UBTD2: variants seen among roughly 807,000 people sequenced by gnomAD.
UBTD2 encodes the protein ubiquitin domain containing 2, also known as ubiquitin domain-containing protein 2.
In UBTD2, 9 loss-of-function variants were observed where a neutral mutation model predicts 19.8. The observed-to-expected ratio is 0.46, with a 90% CI of 0.27 to 0.79. The LOEUF is 0.79. Ranked by LOEUF, UBTD2 falls within the 30% of genes least tolerant of loss-of-function variation. The pLI is 0.14. For synonymous variants in UBTD2, 98 were observed against 103.9 expected, an observed-to-expected ratio of 0.94 and a Z score of 0.35; for missense variants, 250 against 300.4, an observed-to-expected ratio of 0.83 and a Z score of 1.24.
At chr5:172,264,438 G>A (rs575539119) in intron 1 of UBTD2, among the ~76,000 whole-genome samples, 169 of 151,972 alleles carry the variant, frequency 1.1e-3, no homozygotes, top group African/African-American at 4.0e-3. Context: ...CTACCTGGGA[G>A]GCTGAGACAG....
chr5:172,227,135 T>G (rs1044703694), intron 2 of UBTD2, among the ~76,000 whole-genome samples: 1 of 152,118 alleles, frequency 6.6e-6, no homozygotes, highest in Non-Finnish European at 1.5e-5. Context: ...CCTGGGACCA[T>G]GTAGAAACCC....
intron 1 of UBTD2, among the ~76,000 whole-genome samples, chr5:172,253,576 C>T (rs1187595091): frequency 1.3e-5 from 2 of 151,950 alleles, no homozygotes; most frequent in Non-Finnish European, 2.9e-5. Context: ...GCCTTGGCCT[C>T]CCAAGTACCT....
intron 2 of UBTD2, among the ~76,000 whole-genome samples, chr5:172,218,570 T>TCCAGGAGTTTGCGA (rs1308569281): frequency 1.3e-5 from 2 of 151,580 alleles, no homozygotes; most frequent in Non-Finnish European, 2.9e-5. Context: ...ATTGCTTGAG[T>TCCAGGAGTTTGCGA]CCAGGAGTTT....
intron 1 of UBTD2, among the ~76,000 whole-genome samples, chr5:172,265,379 T>A (rs990394815): frequency 9.2e-5 from 14 of 151,986 alleles, no homozygotes; most frequent in Admixed American, 2.6e-4. Context: ...TCACCCAGGC[T>A]GGTGGAGTGC....
intron 1 of UBTD2, among the ~76,000 whole-genome samples, chr5:172,271,689 G>A (rs577397451): frequency 4.9e-4 from 75 of 152,246 alleles, no homozygotes; most frequent in African/African-American, 1.7e-3. Flanking sequence ...ATTTTTTAAA[G>A]TTTCAGGAAG....
At chr5:172,220,592 A>T (rs1322600231) in intron 2 of UBTD2, among the ~76,000 whole-genome samples, 2 of 152,130 alleles carry the variant, frequency 1.3e-5, no homozygotes, top group Non-Finnish European at 2.9e-5. Flanking sequence ...CCAAGATTGG[A>T]GTGAGCCTGG....
intron 2 of UBTD2, among the ~76,000 whole-genome samples, chr5:172,227,360 G>C (rs1771790276): frequency 6.6e-6 from 1 of 152,118 alleles, no homozygotes; most frequent in South Asian, 2.1e-4. Flanking sequence ...GATAGAGAGA[G>C]AAAAATGATA....
intron 1 of UBTD2, among the ~76,000 whole-genome samples, chr5:172,261,093 T>A (rs1755259859): frequency 1.3e-5 from 2 of 152,162 alleles, no homozygotes; most frequent in Admixed American, 1.3e-4. Flanking sequence ...ATAATGAAAC[T>A]CTGTATTACA....
chr5:172,274,404 G>A (rs1245295076), intron 1 of UBTD2, among the ~76,000 whole-genome samples: 1 of 152,020 alleles, frequency 6.6e-6, no homozygotes, highest in Non-Finnish European at 1.5e-5. Flanking sequence ...CTCCCAAAGT[G>A]CTGGGATTAC....
chr5:172,247,324 T>C (rs532954681), intron 1 of UBTD2, among the ~76,000 whole-genome samples: 110 of 151,816 alleles, frequency 7.2e-4, no homozygotes, highest in Non-Finnish European at 1.4e-3. Flanking sequence ...AGTATGTACC[T>C]AATAACAGAC....
At chr5:172,258,258 C>T (rs551317393) in intron 1 of UBTD2, among the ~76,000 whole-genome samples, 28 of 152,248 alleles carry the variant, frequency 1.8e-4, no homozygotes, top group African/African-American at 6.5e-4. Flanking sequence ...AATAGGGAGT[C>T]CTTTCCCCAC....
At chr5:172,212,516 T>G (rs1008449712) in intron 2 of UBTD2, among the ~76,000 whole-genome samples, 2 of 152,218 alleles carry the variant, frequency 1.3e-5, no homozygotes, top group African/African-American at 4.8e-5. Context: ...CTAATATTAT[T>G]AATGCTTACA....
intron 1 of UBTD2, among the ~76,000 whole-genome samples, chr5:172,281,688 A>G (rs1479292214): frequency 6.6e-6 from 1 of 152,156 alleles, no homozygotes; most frequent in East Asian, 1.9e-4. Context: ...CTAAACCACA[A>G]TTAACTCTTA....
intron 1 of UBTD2, among the ~76,000 whole-genome samples, chr5:172,247,155 T>G (rs1346334536): frequency 6.6e-6 from 1 of 151,946 alleles, no homozygotes; most frequent in Non-Finnish European, 1.5e-5. Flanking sequence ...ATAACTAGCA[T>G]TACAGGATGA....
intron 1 of UBTD2, among the ~76,000 whole-genome samples, chr5:172,268,012 T>C (rs1755410011): frequency 1.3e-5 from 2 of 152,262 alleles, no homozygotes; most frequent in Non-Finnish European, 2.9e-5. Context: ...ATTAAGAGCA[T>C]ATTATTTTCT....
At chr5:172,254,149 G>T (rs1338921906) in intron 1 of UBTD2, among the ~76,000 whole-genome samples, 1 of 152,080 alleles carries the variant, frequency 6.6e-6, no homozygotes, top group Non-Finnish European at 1.5e-5. Context: ...GCCCAGGCTG[G>T]AGTGCAGTGG....
At chr5:172,281,840 G>C (rs1302287517) in intron 1 of UBTD2, among the ~76,000 whole-genome samples, 1 of 152,134 alleles carries the variant, frequency 6.6e-6, no homozygotes, top group African/African-American at 2.4e-5. Context: ...ACGTTTGGTG[G>C]TTAATGTTCC....
intron 1 of UBTD2, among the ~76,000 whole-genome samples, chr5:172,262,962 G>A (rs1171510393): frequency 6.6e-6 from 1 of 152,084 alleles, no homozygotes; most frequent in Admixed American, 6.6e-5. Flanking sequence ...TTTTGAGACA[G>A]GGTCTTGCTC....
intron 1 of UBTD2, among the ~76,000 whole-genome samples, chr5:172,249,532 G>C (rs1041252108): frequency 4.6e-5 from 7 of 150,592 alleles, no homozygotes; most frequent in Non-Finnish European, 5.9e-5. Flanking sequence ...CAAAGACACC[G>C]CAAGAAAACT....
Sources: allele counts gnomAD v4.1 joint callset (sites outside exome capture counted in the v4.1 genomes callset), GRCh38; gene constraint gnomAD v4.1.1; transcripts MANE v1.5; gene names NCBI Gene and HGNC (gene_info 2026-07-23, HGNC 2026-07-21).